The following DLG2 variants were observed in gnomAD, a reference collection of about 807,000 sequenced individuals.
DLG2 encodes disks large homolog 2.
A neutral mutation model predicts 132.5 loss-of-function variants in DLG2; 45 were observed. That is an observed-to-expected ratio of 0.34 (90% CI 0.27 to 0.44). DLG2 has a LOEUF of 0.44. Ranked by LOEUF, DLG2 falls within the 20% of genes least tolerant of loss-of-function variation. The pLI is 1.00. For missense variants in DLG2, 1,045 were observed against 1,196.9 expected, an observed-to-expected ratio of 0.87 and a Z score of 1.87; for synonymous variants, 424 against 419.6, an observed-to-expected ratio of 1.01 and a Z score of -0.13.
chr11:85,114,654 C>A (rs927467131), intron 5 of DLG2, among the ~76,000 whole-genome samples: 3 of 151,930 alleles, frequency 2.0e-5, no homozygotes, highest in African/African-American at 4.8e-5. Flanking sequence ...CTGTTTCTCA[C>A]TTTAGAATCT....
At chr11:84,001,071 A>G (rs2094321225) in intron 11 of DLG2, among the ~76,000 whole-genome samples, 1 of 152,128 alleles carries the variant, frequency 6.6e-6, no homozygotes, top group African/African-American at 2.4e-5. Flanking sequence ...TAACAATATG[A>G]CAGGAACAAA....
chr11:83,987,898 C>A (rs117471255), intron 11 of DLG2, among the ~76,000 whole-genome samples: 4,535 of 152,146 alleles, frequency 0.03, 86 homozygotes, highest in Non-Finnish European at 0.045. Context: ...TGATGTTGAG[C>A]CTTTTTTCAT....
chr11:85,193,745 G>T (rs1256063483), intron 4 of DLG2, among the ~76,000 whole-genome samples: 1 of 152,084 alleles, frequency 6.6e-6, no homozygotes, highest in Non-Finnish European at 1.5e-5. Context: ...TTGTTGACTT[G>T]TAAGAGTTCT....
chr11:85,528,551 T>A (rs35097455), intron 3 of DLG2, among the ~76,000 whole-genome samples: 16,864 of 152,222 alleles, frequency 0.11, 1,159 homozygotes, highest in East Asian at 0.28. Flanking sequence ...AGTAAACTGG[T>A]ACAACACTTT....
At position 84,849,295 on chromosome 11, in the gene DLG2, T is replaced by C. The variant is rs143239878; in HGVS notation, c.357+262366A>G. Among the ~76,000 whole-genome samples the C allele has an allele frequency of 5.9e-5, 9 of 152,256 alleles. No homozygotes were observed. In the East Asian group the frequency reaches 1.7e-3, roughly 29 times the overall value. ...TTATATTTTAGAGTAGTTTGCTATA[T>C]ACAACAATAAAACGTGAAACAGCAT... On this transcript the variant is annotated intron_variant, in intron 6 of 27. Transcript: ENST00000376104.
intron 3 of DLG2, among the ~76,000 whole-genome samples, chr11:85,451,101 G>T (rs1453775685): frequency 6.6e-6 from 1 of 151,884 alleles, no homozygotes; most frequent in Non-Finnish European, 1.5e-5. Flanking sequence ...CCTGTACATC[G>T]CATAGGGATC....
intron 8 of DLG2, among the ~76,000 whole-genome samples, chr11:84,186,108 C>T (rs1199714284): frequency 1.3e-5 from 2 of 152,084 alleles, no homozygotes; most frequent in Admixed American, 1.3e-4. Flanking sequence ...CTTTGCCTTT[C>T]GCTTTTCAGC....
At chr11:84,180,316 G>T (rs2096081943) in intron 8 of DLG2, among the ~76,000 whole-genome samples, 2 of 151,836 alleles carry the variant, frequency 1.3e-5, no homozygotes, top group South Asian at 4.2e-4. Context: ...CTTCCAAATT[G>T]AAAAACAGAG....
At chr11:84,183,154 C>G (rs1309355540) in intron 8 of DLG2, among the ~76,000 whole-genome samples, 2 of 152,174 alleles carry the variant, frequency 1.3e-5, no homozygotes, top group African/African-American at 4.8e-5. Context: ...TGAATCCTAA[C>G]AATCATTTCA....
At chr11:83,693,866 C>A (rs961365463) in intron 18 of DLG2, 1 of 152,088 alleles carries the variant, frequency 6.6e-6, no homozygotes, top group Admixed American at 6.6e-5. Flanking sequence ...GGTTTGTGAG[C>A]CCCTTCCCTC....
At chr11:84,095,574 A>T (rs2097154611) in intron 10 of DLG2, among the ~76,000 whole-genome samples, 2 of 152,140 alleles carry the variant, frequency 1.3e-5, no homozygotes, top group Non-Finnish European at 2.9e-5. Context: ...GACTTAGTTG[A>T]GGCGATGGTG....
At chr11:85,145,549 T>C (rs2076784019) in intron 5 of DLG2, among the ~76,000 whole-genome samples, 3 of 152,194 alleles carry the variant, frequency 2.0e-5, no homozygotes, top group South Asian at 4.1e-4. Context: ...TGGCTGTTTT[T>C]TATACAGCCT....
chr11:84,860,721 T>G (rs2083487565), intron 6 of DLG2, among the ~76,000 whole-genome samples: 1 of 152,094 alleles, frequency 6.6e-6, no homozygotes, highest in Non-Finnish European at 1.5e-5. Context: ...TTACTGGCAC[T>G]TGGCAAGTAG....
At chr11:83,881,887 T>A (rs979002312) in intron 15 of DLG2, among the ~76,000 whole-genome samples, 1 of 152,146 alleles carries the variant, frequency 6.6e-6, no homozygotes, top group African/African-American at 2.4e-5. Flanking sequence ...CTATCAAGAG[T>A]AAGTTTTCTG....
At chr11:83,679,884 C>A (rs1274977103) in intron 18 of DLG2, among the ~76,000 whole-genome samples, 2 of 152,148 alleles carry the variant, frequency 1.3e-5, no homozygotes, top group African/African-American at 4.8e-5. Context: ...CCATTTACAC[C>A]TTGCTGAGCC....
chr11:83,887,345 C>G lies in DLG2; in HGVS notation c.1497-12857G>C, dbSNP rs536604730. Among the ~76,000 whole-genome samples the G allele has an allele frequency of 1.1e-3, 166 of 151,994 alleles. 1 individual carries two copies. Among genetic ancestry groups the G allele is most frequent in the African/African-American group, 3.8e-3 (157 of 41,424 alleles). On this transcript the variant is annotated intron_variant, in intron 15 of 27. Transcript: ENST00000376104. Reference sequence around the variant, plus strand: ...CCTCTACGCAAATAAACTAGAAAATCTAGAAGAAATGGATAAATTCCTCGA... The same window carrying G: ...CCTCTACGCAAATAAACTAGAAAATGTAGAAGAAATGGATAAATTCCTCGA...
chr11:83,970,140 AC>A (rs929471102), intron 12 of DLG2, among the ~76,000 whole-genome samples: 8 of 152,226 alleles, frequency 5.3e-5, no homozygotes, highest in Admixed American at 4.6e-4. Flanking sequence ...TCTGTTTCTG[AC>A]AAGGGCTCAT....
At chr11:83,881,718 G>A (rs930030078) in intron 15 of DLG2, among the ~76,000 whole-genome samples, 15 of 152,228 alleles carry the variant, frequency 9.9e-5, no homozygotes, top group African/African-American at 3.4e-4. Flanking sequence ...CAAGCAGAAT[G>A]TTTATGTCCC....
intron 3 of DLG2, among the ~76,000 whole-genome samples, chr11:85,424,925 C>T (rs1228650221): frequency 6.6e-6 from 1 of 152,066 alleles, no homozygotes; most frequent in Non-Finnish European, 1.5e-5. Context: ...GTTGCTTAAG[C>T]CACCCTATCT....
Sources: allele counts gnomAD v4.1 joint callset (sites outside exome capture counted in the v4.1 genomes callset), GRCh38; gene constraint gnomAD v4.1.1; transcripts MANE v1.5; gene names NCBI Gene and HGNC (gene_info 2026-07-23, HGNC 2026-07-21).